PLCB4: variants seen among roughly 807,000 people sequenced by gnomAD.
PLCB4 encodes the protein phospholipase C beta 4, also known as 1-phosphatidylinositol 4,5-bisphosphate phosphodiesterase beta-4.
Under a neutral mutation model 178.8 loss-of-function variants are expected in PLCB4, and 77 were observed. The ratio of observed to expected loss-of-function variants is 0.43; its 90% confidence interval spans 0.36 to 0.52. PLCB4 has a LOEUF of 0.52. Among genes scored for constraint, PLCB4 ranks in the 20% least tolerant of loss-of-function variants. PLCB4 has a pLI of 0.00. For synonymous variants in PLCB4, 496 were observed against 490.8 expected (o/e 1.01, Z -0.14); for missense variants, 1,024 against 1,453.4 (o/e 0.70, Z 4.80).
intron 39 of PLCB4, among the ~76,000 whole-genome samples, chr20:9,477,944 G>A (rs960056225): frequency 6.6e-6 from 1 of 151,954 alleles, no homozygotes; most frequent in African/African-American, 2.4e-5. Flanking sequence ...TAACATCAGG[G>A]CACTTCAGAA....
Position 9,408,587 on chromosome 20 carries a change from G to A in PLCB4, c.1790-46G>A, listed in dbSNP as rs530419931. 4 of 777,806 alleles carry A rather than the reference G, an allele frequency of 5.1e-6. No homozygotes were observed. The East Asian group carries it at 1.2e-4, about 23-fold the overall frequency. The allele number at this position is 777,806 out of a possible 1,614,324, so 48.2% of individuals were successfully genotyped here. A position where few individuals can be genotyped will look rare whatever the true frequency, so the allele number is the denominator to read the frequency against. On this transcript the variant is annotated intron_variant, in intron 22 of 39. Coordinates refer to ENST00000378473, the MANE Select transcript of PLCB4 (RefSeq NM_001377142.1). ...TATTTATTGCTGTTTTTCGGTGAGG[G>A]TTTGATGGCAGAGTTCCTGAATCCA... is the stretch of plus-strand genomic sequence containing the variant.
chr20:9,171,663 T>G (rs989465914), intron 2 of PLCB4, among the ~76,000 whole-genome samples: 5 of 152,120 alleles, frequency 3.3e-5, no homozygotes, highest in African/African-American at 1.2e-4. Context: ...AAAAATAAAT[T>G]CAGGTTATAA....
intron 2 of PLCB4, among the ~76,000 whole-genome samples, chr20:9,109,931 T>C (rs921945637): frequency 6.6e-6 from 1 of 152,102 alleles, no homozygotes; most frequent in Non-Finnish European, 1.5e-5. Context: ...GGCCTCAGTA[T>C]TGGGAGTCAA....
At chr20:9,374,843 GTTCTGCCATTCAGATTCTTTCTTT>G (rs1236563059) in intron 12 of PLCB4, among the ~76,000 whole-genome samples, 1 of 151,938 alleles carries the variant, frequency 6.6e-6, no homozygotes, top group East Asian at 1.9e-4. Context: ...ATACTTTCTT[GTTCTGCCATTCAGATTCTTTCTTT>G]AAGTATTTAT....
At chr20:9,148,332 A>G (rs1049451335) in intron 2 of PLCB4, among the ~76,000 whole-genome samples, 2 of 152,134 alleles carry the variant, frequency 1.3e-5, no homozygotes, top group African/African-American at 4.8e-5. Flanking sequence ...ATATAGGAAC[A>G]AATCACATTC....
rs73897305 is a variant in PLCB4 at position 9,170,644 on chromosome 20, C to T, written c.-78-46746C>T. On this transcript the variant is annotated intron_variant, in intron 2 of 39. Transcript: ENST00000378473. ...TTGGTTCACACTGCTTCTTCAGAAA[C>T]AGAAAGCTCTATCCTTGTAATAATG... is the stretch of plus-strand genomic sequence containing the variant. 2.9e-3 allele frequency among the ~76,000 whole-genome samples: 442 copies of T among 152,312 alleles called. 2 individuals carry two copies. Among genetic ancestry groups the T allele is most frequent in the African/African-American group, 0.01 (430 of 41,570 alleles).
chr20:9,316,330 A>G (rs2094898560), intron 4 of PLCB4, among the ~76,000 whole-genome samples: 1 of 152,186 alleles, frequency 6.6e-6, no homozygotes, highest in African/African-American at 2.4e-5. Flanking sequence ...GTACGAGAAT[A>G]AATGGTGTAG....
intron 2 of PLCB4, among the ~76,000 whole-genome samples, chr20:9,106,408 C>A (rs1447485799): frequency 6.6e-6 from 1 of 151,368 alleles, no homozygotes; most frequent in East Asian, 1.9e-4. Flanking sequence ...AGTTTTTTTT[C>A]AAACTGCACT....
At position 9,384,295 on chromosome 20, in the gene PLCB4, C is replaced by G; in HGVS notation, c.948C>G (p.Asp316Glu). 3.1e-6 allele frequency: 5 copies of G among 1,613,780 alleles called. No homozygotes were observed. Among genetic ancestry groups the G allele is most frequent in the Non-Finnish European group, 4.2e-6 (5 of 1,179,678 alleles). ...GTTTAGAACTTTACCAAGAAATGGACCATCCTCTGGCTCACTACTTCATCA... is the reference window on the plus strand; with the variant it reads ...GTTTAGAACTTTACCAAGAAATGGAGCATCCTCTGGCTCACTACTTCATCA... ...LDRLELYQEM[D>E]HPLAHYFISS... Residue 316 changes from aspartate to glutamate, a missense_variant, in exon 14 of 40, where the codon GAC (aspartate) becomes GAG (glutamate). Transcript: ENST00000378473.
Position 9,436,994 on chromosome 20 carries a change from T to C in PLCB4, c.2614-8T>C, listed in dbSNP as rs2041813179. ...TCATTTGGGTCAATGTAAATGTTTC[T>C]GTTCCAGAGTGACATAGCCGACGTG... is the stretch of plus-strand genomic sequence containing the variant. On this transcript the variant is annotated splice_region_variant and splice_polypyrimidine_tract_variant and intron_variant, in intron 29 of 39. Coordinates refer to ENST00000378473, the MANE Select transcript of PLCB4 (RefSeq NM_001377142.1). 1 of 1,613,682 alleles carries C rather than the reference T, an allele frequency of 6.2e-7. No homozygotes were observed. Among genetic ancestry groups the C allele is most frequent in the Non-Finnish European group, 8.5e-7 (1 of 1,179,692 alleles).
intron 12 of PLCB4, among the ~76,000 whole-genome samples, chr20:9,374,786 T>C (rs1353391864): frequency 1.3e-5 from 2 of 152,204 alleles, no homozygotes; most frequent in African/African-American, 4.8e-5. Context: ...CAGTCACTCC[T>C]GTAATTCTTA....
At chr20:9,163,537 ATG>A (rs2092922394) in intron 2 of PLCB4, among the ~76,000 whole-genome samples, 1 of 148,622 alleles carries the variant, frequency 6.7e-6, no homozygotes, top group African/African-American at 2.5e-5. Flanking sequence ...AGTATCCTCC[ATG>A]TTTTTTTTTT....
chr20:9,263,292 TA>T (rs1290339910), intron 3 of PLCB4, among the ~76,000 whole-genome samples: 2 of 152,196 alleles, frequency 1.3e-5, no homozygotes, highest in Non-Finnish European at 2.9e-5. Context: ...TGGAGTTCTC[TA>T]AAATTGACCA....
At chr20:9,293,221 T>C in intron 3 of PLCB4, among the ~76,000 whole-genome samples, 1 of 110,690 alleles carries the variant, frequency 9.0e-6, no homozygotes, top group South Asian at 2.8e-4. Context: ...GAAGGAAGGA[T>C]GGAAGGAAGG....
chr20:9,466,409 C>A (rs1358841713), intron 35 of PLCB4, among the ~76,000 whole-genome samples: 1 of 152,144 alleles, frequency 6.6e-6, no homozygotes. Flanking sequence ...AAAGCAATGG[C>A]CACCAAAGCC....
rs1215078528 is a variant in PLCB4 at position 9,115,447 on chromosome 20, CTTTAAG to C, written c.-79+19109_-79+19114del. Among the ~76,000 whole-genome samples the C allele has an allele frequency of 2.0e-5, 3 of 148,100 alleles. No homozygotes were observed. The Admixed American group carries it at 2.0e-4, about 10-fold the overall frequency. ...AACTTCTTCTTCTTTTTTTTTAATA[CTTTAAG>C]TTTTAGGGTACATGTGCACAATGTG... is the stretch of plus-strand genomic sequence containing the variant. On this transcript the variant is annotated intron_variant, in intron 2 of 39. Transcript: ENST00000378473.
Position 9,389,859 on chromosome 20 carries a change from GTT to G in PLCB4, c.1159-12_1159-11del. 2.2e-6 allele frequency: 3 copies of G among 1,369,096 alleles called. No individual in the cohort carries two copies. Among genetic ancestry groups the G allele is most frequent in the Non-Finnish European group, 3.1e-6 (3 of 977,698 alleles). 84.8% of individuals were successfully genotyped at this position (1,369,096 alleles called of 1,614,324 possible). ...TTTTTTGCTCTTTTCTCTCATTAAC[GTT>G]TTTTTTTGTTTTTAAAGGATGTAAT... On this transcript the variant is annotated intron_variant, in intron 15 of 39. Coordinates refer to ENST00000378473, the MANE Select transcript of PLCB4 (RefSeq NM_001377142.1).
chr20:9,358,402 C>G (rs369860495), intron 7 of PLCB4, among the ~76,000 whole-genome samples: 38 of 152,298 alleles, frequency 2.5e-4, no homozygotes, highest in East Asian at 2.3e-3. Flanking sequence ...ACATCACAAA[C>G]TTGGAGAGTG....
intron 2 of PLCB4, among the ~76,000 whole-genome samples, chr20:9,120,803 CTA>C (rs2091939960): frequency 6.6e-6 from 1 of 152,150 alleles, no homozygotes; most frequent in Non-Finnish European, 1.5e-5. Context: ...CTCCTCCATG[CTA>C]TGAGGTCTCC....
Sources: allele counts gnomAD v4.1 joint callset (sites outside exome capture counted in the v4.1 genomes callset), GRCh38; gene constraint gnomAD v4.1.1; transcripts MANE v1.5; gene names NCBI Gene and HGNC (gene_info 2026-07-23, HGNC 2026-07-21).